FTO: variants seen among roughly 807,000 people sequenced by gnomAD.
FTO encodes FTO alpha-ketoglutarate dependent dioxygenase.
In FTO, 47 loss-of-function variants were observed where a neutral mutation model predicts 63.9. The ratio of observed to expected loss-of-function variants is 0.74; its 90% CI spans 0.58 to 0.94. FTO has a LOEUF of 0.94. Ranked by LOEUF, FTO falls within the 40% of genes least tolerant of loss-of-function variation. The pLI, the probability that FTO is intolerant of heterozygous loss-of-function variation, is 0.00. For synonymous variants in FTO, 207 were observed against 224.4 expected, an observed-to-expected ratio of 0.92 and a Z score of 0.69; for missense variants, 562 against 618.1, an observed-to-expected ratio of 0.91 and a Z score of 0.96.
At chr16:53,793,553 A>C (rs1227791525) in intron 1 of FTO, among the ~76,000 whole-genome samples, 1 of 152,234 alleles carries the variant, frequency 6.6e-6, no homozygotes, top group Non-Finnish European at 1.5e-5. Context: ...AGTTATAGTG[A>C]AAGGTGCTGT....
intron 8 of FTO, among the ~76,000 whole-genome samples, chr16:54,081,203 G>A (rs367847055): frequency 1.3e-5 from 2 of 152,164 alleles, no homozygotes. Flanking sequence ...GAGAGAAGAG[G>A]TAACTGACAG....
intron 1 of FTO, among the ~76,000 whole-genome samples, chr16:53,802,032 G>A (rs559440234): frequency 2.6e-5 from 4 of 152,274 alleles, no homozygotes; most frequent in Admixed American, 1.3e-4. Flanking sequence ...CCAAAGTGCT[G>A]GGATTACAGG....
At chr16:54,079,341 C>T (rs1212062999) in intron 8 of FTO, among the ~76,000 whole-genome samples, 1 of 152,136 alleles carries the variant, frequency 6.6e-6, no homozygotes, top group East Asian at 1.9e-4. Context: ...GAACTGGCAT[C>T]GTCCTACGTT....
chr16:53,739,307 A>G (rs1318047638), intron 1 of FTO, among the ~76,000 whole-genome samples: 2 of 150,888 alleles, frequency 1.3e-5, no homozygotes. Flanking sequence ...CTGGGTTCAC[A>G]CCATTCTCCT....
chr16:53,970,072 G>A (rs2083282049), intron 8 of FTO, among the ~76,000 whole-genome samples: 2 of 152,288 alleles, frequency 1.3e-5, no homozygotes, highest in South Asian at 4.1e-4. Flanking sequence ...TTGTTGATAA[G>A]AAAGACCCTG....
intron 8 of FTO, chr16:54,072,567 G>C (rs2085894979): frequency 6.6e-6 from 1 of 152,306 alleles, no homozygotes; most frequent in Non-Finnish European, 1.5e-5. Context: ...TGGCAGTCTT[G>C]AGCTGGGGGA....
chr16:53,949,697 CAAAAA>C (rs11344563), intron 8 of FTO, among the ~76,000 whole-genome samples: 2 of 130,118 alleles, frequency 1.5e-5, no homozygotes, highest in African/African-American at 2.8e-5. Context: ...GCAGTTTGTG[CAAAAA>C]AAAAAAAAAA....
intron 8 of FTO, among the ~76,000 whole-genome samples, chr16:53,956,527 C>T (rs1159784305): frequency 6.6e-6 from 1 of 151,968 alleles, no homozygotes; most frequent in African/African-American, 2.4e-5. Flanking sequence ...TTCAGGAGAC[C>T]ATCAGGATGA....
In FTO at chr16:54,112,075, T is replaced by G. The variant is rs1447250840; in HGVS notation, c.*160T>G. 9.6e-6 allele frequency: 7 copies of G among 730,628 alleles called. No homozygotes were observed. The highest frequency in any genetic ancestry group is 1.4e-5 in the Non-Finnish European group (6 of 426,550). The allele number at this position is 730,628 out of a possible 1,614,324, so 45.3% of individuals were successfully genotyped here. ...GCTAGGAAATGGTGCCCATGAAGTT[T>G]TAAATGTTTTAAAATGACCCTGTGT... is the stretch of plus-strand genomic sequence containing the variant. On this transcript the variant is annotated 3_prime_UTR_variant, in exon 9 of 9. Transcript: ENST00000471389.
intron 1 of FTO, among the ~76,000 whole-genome samples, chr16:53,726,904 G>A (rs1402632121): frequency 6.6e-6 from 1 of 152,136 alleles, no homozygotes; most frequent in Non-Finnish European, 1.5e-5. Flanking sequence ...GTCAAAAGGA[G>A]CCTGCCATTG....
At chr16:54,066,370 GACCGACA>G (rs1482992635) in intron 8 of FTO, among the ~76,000 whole-genome samples, 5 of 152,160 alleles carry the variant, frequency 3.3e-5, no homozygotes, top group Non-Finnish European at 7.4e-5. Flanking sequence ...CCAACTTTTA[GACCGACA>G]CCCTTTCATT....
intron 8 of FTO, among the ~76,000 whole-genome samples, chr16:53,977,704 G>C (rs1322864339): frequency 6.6e-6 from 1 of 152,132 alleles, no homozygotes; most frequent in East Asian, 1.9e-4. Context: ...TTTGAAGCAT[G>C]ATGAGTATAA....
chr16:53,799,732 G>A (rs2078170068), intron 1 of FTO, among the ~76,000 whole-genome samples: 1 of 152,158 alleles, frequency 6.6e-6, no homozygotes, highest in Non-Finnish European at 1.5e-5. Flanking sequence ...TGCTGAAATG[G>A]CAGCGTTCCT....
chr16:53,736,068 CTTATTA>C (rs1227397149), intron 1 of FTO, among the ~76,000 whole-genome samples: 3 of 152,102 alleles, frequency 2.0e-5, no homozygotes, highest in African/African-American at 4.8e-5. Flanking sequence ...ATGAATAGGT[CTTATTA>C]TTATTATGTC....
intron 4 of FTO, among the ~76,000 whole-genome samples, chr16:53,850,073 T>G (rs2079744501): frequency 6.6e-6 from 1 of 152,232 alleles, no homozygotes; most frequent in Admixed American, 6.5e-5. Flanking sequence ...TCTTGAAATG[T>G]AGGTGCTATG....
chr16:53,876,366 G>A (rs147350037), intron 5 of FTO, among the ~76,000 whole-genome samples: 29 of 152,140 alleles, frequency 1.9e-4, no homozygotes, highest in Non-Finnish European at 3.2e-4. Context: ...AGCACTTAGC[G>A]AGGAGTAGGT....
At chr16:53,745,629 A>G (rs1026966724) in intron 1 of FTO, among the ~76,000 whole-genome samples, 18 of 152,182 alleles carry the variant, frequency 1.2e-4, no homozygotes, top group African/African-American at 3.9e-4. Flanking sequence ...TAGGGTGTAT[A>G]GGAGAGGCAT....
At chr16:53,979,250 C>G in intron 8 of FTO, 1 of 394,442 alleles carries the variant, frequency 2.5e-6, no homozygotes, top group Non-Finnish European at 4.5e-6. Context: ...GAACAGATTC[C>G]TAGATATGGA....
At chr16:54,036,678 A>G (rs856978) in intron 8 of FTO, among the ~76,000 whole-genome samples, 2 of 152,208 alleles carry the variant, frequency 1.3e-5, no homozygotes, top group African/African-American at 2.4e-5. Flanking sequence ...CTCAGCCAGT[A>G]TATTTCTGTG....
Sources: allele counts gnomAD v4.1 joint callset (sites outside exome capture counted in the v4.1 genomes callset), GRCh38; gene constraint gnomAD v4.1.1; transcripts MANE v1.5; gene names NCBI Gene and HGNC (gene_info 2026-07-23, HGNC 2026-07-21).